The following PEX10 variants were observed in gnomAD, a reference collection of about 807,000 sequenced individuals.
The protein encoded by PEX10 is peroxisomal biogenesis factor 10.
In PEX10, 32 loss-of-function variants were observed where a neutral mutation model predicts 38.0. The observed-to-expected ratio is 0.84, with a 90% confidence interval of 0.63 to 1.13. The LOEUF is 1.13. Among genes scored for constraint, PEX10 ranks in the 50% most tolerant of loss-of-function variants. PEX10 has a pLI of 0.00. For missense variants in PEX10, 483 were observed against 457.7 expected (o/e 1.06, Z -0.51); for synonymous variants, 206 against 207.3 (o/e 0.99, Z 0.05).
In PEX10 at chr1:2,410,741, T is replaced by C. The variant is rs892691029; in HGVS notation, c.113-290A>G. 20 of 527,676 alleles carry C rather than the reference T, an allele frequency of 3.8e-5. No individual in the cohort carries two copies. The highest frequency in any genetic ancestry group is 7.3e-5 in the Non-Finnish European group (20 of 273,926). The allele number at this position is 527,676 out of a possible 1,614,324, so 32.7% of individuals were successfully genotyped here. On this transcript the variant is annotated intron_variant, in intron 1 of 5. Transcript: ENST00000447513. The surrounding 1 kb of genome is among the most constrained non-coding windows in gnomAD (Gnocchi z 5.1). ...GGCCTATGAGGGCCACATGGAAAGA[T>C]GGTCTGGGGTATTAAGATTACAGGC...
intron 3 of PEX10, among the ~76,000 whole-genome samples, chr1:2,407,380 G>A (rs1161797078): frequency 6.6e-6 from 1 of 152,230 alleles, no homozygotes; most frequent in Non-Finnish European, 1.5e-5. Context: ...ACAGCTGGCT[G>A]CCCTCGGCTT....
rs1291325133 is a variant in PEX10, at chr1:2,408,841, C to A, written c.211G>T (p.Glu71Ter). 6.2e-7 allele frequency: 1 copy of A among 1,613,868 alleles called. No individual in the cohort carries two copies. Among genetic ancestry groups the A allele is most frequent in the Admixed American group, 1.7e-5 (1 of 60,006 alleles). Residue 71 changes from glutamate (E) to a stop codon, truncating the protein, a stop_gained, in exon 3 of 6, where the codon GAG becomes TAG. Coordinates refer to ENST00000447513, the MANE Select transcript of PEX10 (RefSeq NM_002617.4). LOFTEE classifies it high-confidence loss of function. ...ACCTGGATGATGCTGACGTACTCCTCCCCCAGGGTCTGGTAGCCTGCGAGG... is the reference window on the plus strand; with the variant it reads ...ACCTGGATGATGCTGACGTACTCCTACCCCAGGGTCTGGTAGCCTGCGAGG... ...TTLAGYQTLG[E>*]EYVSIIQVDP... is the part of the protein sequence containing the mutation.
Position 2,404,358 on chromosome 1 carries a change from T to C in PEX10, c.*1408A>G, listed in dbSNP as rs556510984. 6.6e-6 allele frequency: 1 copy of C among 152,406 alleles called. No homozygotes were observed. Among genetic ancestry groups the C allele is most frequent in the Non-Finnish European group, 1.5e-5 (1 of 68,056 alleles). The allele number at this position is 152,406 out of a possible 1,614,324, so 9.4% of individuals were successfully genotyped here. On this transcript the variant is annotated 3_prime_UTR_variant, in exon 6 of 6. Coordinates refer to ENST00000447513, the MANE Select transcript of PEX10 (RefSeq NM_002617.4). ...TACTTCTGGTACCGTGTTGAGACACTTGGGATTCTCAGACTGTGGACAGGA... is the reference window on the plus strand; with the variant it reads ...TACTTCTGGTACCGTGTTGAGACACCTGGGATTCTCAGACTGTGGACAGGA...
intron 3 of PEX10, among the ~76,000 whole-genome samples, chr1:2,407,995 T>C (rs1266630755): frequency 9.8e-6 from 1 of 102,204 alleles, no homozygotes; most frequent in African/African-American, 3.8e-5. Context: ...GGCCGTCTGA[T>C]GGGGCAGACT....
Position 2,411,727 on chromosome 1 carries a change from G to C in PEX10, c.112+664C>G, listed in dbSNP as rs113396547. On this transcript the variant is annotated intron_variant, in intron 1 of 5. Transcript: ENST00000447513. ...TAATTTTCAGATTTTTTGTAGAGAC[G>C]GGGTCTTGCCATGTTGCCCAGGCTG... 5.0e-3 allele frequency among the ~76,000 whole-genome samples: 765 copies of C among 152,122 alleles called. 4 individuals carry two copies. Among genetic ancestry groups the C allele is most frequent in the African/African-American group, 0.017 (716 of 41,504 alleles).
In PEX10 at chr1:2,410,325, G is replaced by A. The variant is rs367644095; in HGVS notation, c.193+46C>T. 12 of 1,518,704 alleles carry A rather than the reference G, an allele frequency of 7.9e-6. No homozygotes were observed. Among genetic ancestry groups the A allele is most frequent in the Non-Finnish European group, 1.1e-5 (12 of 1,093,500 alleles). 94.1% of individuals were successfully genotyped at this position (1,518,704 alleles called of 1,614,324 possible). A position where few individuals can be genotyped will look rare whatever the true frequency, so the allele number is the denominator to read the frequency against. ...CCCCTGGCCACCGTCCCCAGACTTG[G>A]TGTGTGTGGCTGCCCTCAGTCCTGA... On this transcript the variant is annotated intron_variant, in intron 2 of 5. Transcript: ENST00000447513. This position sits in a 1 kb window ranked among gnomAD's most constrained non-coding sequence, Gnocchi z 5.1.
Position 2,406,569 on chromosome 1 carries a change from C to A in PEX10, c.827G>T (p.Cys276Phe), listed in dbSNP as rs1414973726. The A allele has an allele frequency of 2.5e-6, 4 of 1,613,286 alleles. No individual in the cohort carries two copies. The highest frequency in any genetic ancestry group is 1.1e-5 in the South Asian group (1 of 91,090). ...AVSRNPLCTL[C>F]LEERRHPTAT... Reference sequence around the variant, plus strand: ...TGTTGGGTGCCTGCGCTCCTCCAGGCACAGGGTGCACAGGGGGTTTCTGGA... The same window carrying A: ...TGTTGGGTGCCTGCGCTCCTCCAGGAACAGGGTGCACAGGGGGTTTCTGGA... The change falls in exon 5 of 6, where the codon TGC becomes TTC. Residue 276 changes from cysteine to phenylalanine, a missense_variant. Physicochemically the swap from Cys to Phe is radical, Grantham distance 205. Transcript: ENST00000447513.
chr1:2,405,720 G>C lies in PEX10; in HGVS notation c.*46C>G. 1 of 1,499,502 alleles carries C rather than the reference G, an allele frequency of 6.7e-7. No homozygotes were observed. The highest frequency in any genetic ancestry group is 9.1e-7 in the Non-Finnish European group (1 of 1,094,560). The allele number at this position is 1,499,502 out of a possible 1,614,324, so 92.9% of individuals were successfully genotyped here. A position where few individuals can be genotyped will look rare whatever the true frequency, so the allele number is the denominator to read the frequency against. Reference sequence around the variant, plus strand: ...TCCTGAGACTAAATCTTGGCGTTCAGACTCCCGTAGAGGTCATCTGTGTCC... The same window carrying C: ...TCCTGAGACTAAATCTTGGCGTTCACACTCCCGTAGAGGTCATCTGTGTCC... On this transcript the variant is annotated 3_prime_UTR_variant, in exon 6 of 6. Transcript: ENST00000447513.
Position 2,406,853 on chromosome 1 carries a change from C to CA in PEX10, c.642dup (p.Val215CysfsTer2), listed in dbSNP as rs1320777826. 1.2e-6 allele frequency: 2 copies of CA among 1,609,832 alleles called. No homozygotes were observed. Among genetic ancestry groups the CA allele is most frequent in the Non-Finnish European group, 1.7e-6 (2 of 1,178,486 alleles). On this transcript the variant is annotated frameshift_variant, in exon 4 of 6. Transcript: ENST00000447513. LOFTEE classifies it high-confidence loss of function. ...ATGACCCCCAGCAGCCTGTAGCTAACACGGGCCCTCAGGTCCTCTCCGGGC... is the reference window on the plus strand; with the variant it reads ...ATGACCCCCAGCAGCCTGTAGCTAACAACGGGCCCTCAGGTCCTCTCCGGGC...
Position 2,408,847 on chromosome 1 carries a change from G to T in PEX10, c.205C>A (p.Leu69Met), listed in dbSNP as rs1449501202. ...ATGATGCTGACGTACTCCTCCCCCA[G>T]GGTCTGGTAGCCTGCGAGGAAGAGG... Reference protein sequence around the residue: ...GLTTLAGYQTLGEEYVSIIQV... With the variant: ...GLTTLAGYQTMGEEYVSIIQV... The change falls in exon 3 of 6, where the codon CTG (leucine) becomes ATG (methionine). Residue 69 changes from leucine (L) to methionine (M), a missense_variant. Coordinates refer to ENST00000447513, the MANE Select transcript of PEX10 (RefSeq NM_002617.4). 1 of 1,614,022 alleles carries T rather than the reference G, an allele frequency of 6.2e-7. No homozygotes were observed.
chr1:2,406,575 G>A lies in PEX10; in HGVS notation c.821C>T (p.Thr274Ile), dbSNP rs199683357. Reference sequence around the variant, plus strand: ...GTGCCTGCGCTCCTCCAGGCACAGGGTGCACAGGGGGTTTCTGGAAACGGC... The same window carrying A: ...GTGCCTGCGCTCCTCCAGGCACAGGATGCACAGGGGGTTTCTGGAAACGGC... ...ERAVSRNPLC[T>I]LCLEERRHPT... Residue 274 changes from threonine to isoleucine, a missense_variant, in exon 5 of 6, where the codon ACC becomes ATC. Physicochemically the swap from Thr to Ile is moderately conservative, Grantham distance 89. Coordinates refer to ENST00000447513, the MANE Select transcript of PEX10 (RefSeq NM_002617.4). The A allele has an allele frequency of 7.5e-5, 121 of 1,613,426 alleles. No homozygotes were observed. In the East Asian group the frequency reaches 1.7e-3, roughly 23 times the overall value.
intron 1 of PEX10, 89 bp downstream of exon 1, chr1:2,412,302 G>T: frequency 1.6e-6 from 2 of 1,269,722 alleles, no homozygotes; most frequent in Non-Finnish European, 2.0e-6. Context: ...CCAGGCGACC[G>T]TGACCACACA....
chr1:2,407,653 C>T (rs749170555), intron 3 of PEX10, among the ~76,000 whole-genome samples: 2 of 152,190 alleles, frequency 1.3e-5, no homozygotes, highest in African/African-American at 4.8e-5. Context: ...AGGCTGGGTA[C>T]GCTGAGGACG....
upstream of PEX10, chr1:2,412,640 G>T (rs1235001053): frequency 1.2e-5 from 8 of 643,700 alleles, no homozygotes; most frequent in Middle Eastern, 5.0e-4. Flanking sequence ...GGCCGGACTG[G>T]GGCTGGAGGC....
Position 2,404,023 on chromosome 1 carries a change from G to A in PEX10, c.*1743C>T, listed in dbSNP as rs1049083026. On this transcript the variant is annotated 3_prime_UTR_variant, in exon 6 of 6. Transcript: ENST00000447513. Reference sequence around the variant, plus strand: ...AGTCTTTACCTAAAACATGGCAGTCGCTGGACACAGGAAAGCCCACCTTTT... The same window carrying A: ...AGTCTTTACCTAAAACATGGCAGTCACTGGACACAGGAAAGCCCACCTTTT... The A allele has an allele frequency of 2.0e-5, 3 of 152,236 alleles. No homozygotes were observed. The highest frequency in any genetic ancestry group is 7.2e-5 in the African/African-American group (3 of 41,446). 9.4% of individuals were successfully genotyped at this position (152,236 alleles called of 1,614,324 possible). A position where few individuals can be genotyped will look rare whatever the true frequency, so the allele number is the denominator to read the frequency against.
chr1:2,413,288 C>T (rs1643346076), upstream of PEX10, among the ~76,000 whole-genome samples: 1 of 152,234 alleles, frequency 6.6e-6, no homozygotes, highest in Non-Finnish European at 1.5e-5. Context: ...GGAAGGTGGC[C>T]TTCCACCCTC....
upstream of PEX10, among the ~76,000 whole-genome samples, chr1:2,413,009 C>G (rs1000245344): frequency 1.8e-4 from 27 of 152,242 alleles, no homozygotes; most frequent in Admixed American, 2.0e-4. Context: ...CTCCCAGCGC[C>G]GGCCGCGGCG....
At chr1:2,405,949 G>T (rs72642195) in intron 5 of PEX10, 115 bp from the exon 6 acceptor site, 675 of 855,740 alleles carry the variant, frequency 7.9e-4, no homozygotes, top group Non-Finnish European at 1.1e-3. Context: ...CATAAATGTT[G>T]TATTTCCTTC....
rs1481319433 is a variant in PEX10 at position 2,409,722 on chromosome 1, TCTC to T, written c.193+646_193+648del. The T allele has an allele frequency of 1.3e-5, 2 of 155,872 alleles. No individual in the cohort carries two copies. Among genetic ancestry groups the T allele is most frequent in the East Asian group, 3.8e-4 (2 of 5,256 alleles). 9.7% of individuals were successfully genotyped at this position (155,872 alleles called of 1,614,324 possible). On this transcript the variant is annotated intron_variant, in intron 2 of 5. Transcript: ENST00000447513. This position sits in a 1 kb window ranked among gnomAD's most constrained non-coding sequence, Gnocchi z 6.2. Reference sequence around the variant, plus strand: ...TCCCAAACCGCCAAGGACGTGTTCTTCTCAGGGCCTTTCCCGGCTGCTTGCTCT... The same window carrying T: ...TCCCAAACCGCCAAGGACGTGTTCTTAGGGCCTTTCCCGGCTGCTTGCTCT...
Sources: allele counts gnomAD v4.1 joint callset (sites outside exome capture counted in the v4.1 genomes callset), GRCh38; gene constraint gnomAD v4.1.1; non-coding constraint Gnocchi (gnomAD v3.1); transcripts MANE v1.5; gene names NCBI Gene and HGNC (gene_info 2026-07-23, HGNC 2026-07-21).